MPPED2: variants seen among roughly 807,000 people sequenced by gnomAD.
The protein encoded by MPPED2 is metallophosphoesterase domain containing 2, also known as metallophosphoesterase MPPED2.
In MPPED2, 5 loss-of-function variants were observed where a neutral mutation model predicts 33.0. That is an observed-to-expected ratio of 0.15 (90% confidence interval 0.08 to 0.32). The LOEUF is 0.32. MPPED2 is among the 10% of genes least tolerant of loss of function. The pLI is 1.00. For missense variants in MPPED2, 275 were observed against 372.1 expected, an observed-to-expected ratio of 0.74 and a Z score of 2.15; for synonymous variants, 136 against 141.9, an observed-to-expected ratio of 0.96 and a Z score of 0.29.
At chr11:30,551,801 G>A (rs1443404669) in intron 2 of MPPED2, among the ~76,000 whole-genome samples, 2 of 152,178 alleles carry the variant, frequency 1.3e-5, no homozygotes, top group African/African-American at 4.8e-5. Context: ...ATATGGGCAA[G>A]TTACTCAACC....
chr11:30,405,794 C>T (rs867417488), downstream of MPPED2, among the ~76,000 whole-genome samples: 80 of 150,950 alleles, frequency 5.3e-4, no homozygotes, highest in African/African-American at 1.7e-3. Context: ...TAGGAAATTA[C>T]AATTGACAGA....
intron 4 of MPPED2, among the ~76,000 whole-genome samples, chr11:30,421,666 A>C (rs1337567752): frequency 1.3e-5 from 2 of 152,186 alleles, no homozygotes; most frequent in Non-Finnish European, 2.9e-5. Flanking sequence ...AGTAGAGCCA[A>C]GATCTGAACC....
chr11:30,428,629 G>C (rs1693095788), intron 4 of MPPED2, among the ~76,000 whole-genome samples: 1 of 152,230 alleles, frequency 6.6e-6, no homozygotes, highest in African/African-American at 2.4e-5. Flanking sequence ...AAGAGGGTTA[G>C]AAGTTAGGTC....
At chr11:30,413,619 A>G (rs1245427191) in intron 6 of MPPED2, among the ~76,000 whole-genome samples, 1 of 152,222 alleles carries the variant, frequency 6.6e-6, no homozygotes, top group Admixed American at 6.5e-5. Context: ...GCTTAACCTC[A>G]GCCTGAGCTA....
chr11:30,447,142 T>C (rs1360453540), intron 4 of MPPED2, among the ~76,000 whole-genome samples: 1 of 152,172 alleles, frequency 6.6e-6, no homozygotes, highest in Non-Finnish European at 1.5e-5. Context: ...AGGTGGGTTC[T>C]CCCCTGCCCC....
intron 2 of MPPED2, among the ~76,000 whole-genome samples, chr11:30,558,517 G>A (rs1417397643): frequency 6.6e-6 from 1 of 151,340 alleles, no homozygotes; most frequent in African/African-American, 2.4e-5. Context: ...CCAGACTCAA[G>A]CAATCCTCCC....
At chr11:30,529,125 A>T (rs952338543) in intron 3 of MPPED2, among the ~76,000 whole-genome samples, 5 of 152,194 alleles carry the variant, frequency 3.3e-5, no homozygotes, top group Non-Finnish European at 7.4e-5. Flanking sequence ...ACAGAGCATG[A>T]TGTGTTCATT....
chr11:30,484,535 G>T (rs1386752636), intron 4 of MPPED2, among the ~76,000 whole-genome samples: 2 of 152,090 alleles, frequency 1.3e-5, no homozygotes, highest in Non-Finnish European at 2.9e-5. Context: ...CACTCACTTG[G>T]TGTTGGAGCA....
At chr11:30,506,101 G>A (rs148188242) in intron 3 of MPPED2, among the ~76,000 whole-genome samples, 65 of 152,108 alleles carry the variant, frequency 4.3e-4, no homozygotes, top group Admixed American at 2.4e-3. Flanking sequence ...GCAGTGGCGC[G>A]ATTTCAGTTC....
intron 2 of MPPED2, among the ~76,000 whole-genome samples, chr11:30,574,907 T>C (rs1014232944): frequency 5.9e-5 from 9 of 152,326 alleles, no homozygotes; most frequent in African/African-American, 2.2e-4. Context: ...TCCAAATGTA[T>C]TCCCTAAAAA....
At chr11:30,445,981 T>C (rs1168879824) in intron 4 of MPPED2, among the ~76,000 whole-genome samples, 1 of 152,236 alleles carries the variant, frequency 6.6e-6, no homozygotes, top group Non-Finnish European at 1.5e-5. Context: ...AGTGTCACTA[T>C]TACCATCTCT....
chr11:30,552,962 T>C (rs945990627), intron 2 of MPPED2, among the ~76,000 whole-genome samples: 3 of 152,100 alleles, frequency 2.0e-5, no homozygotes, highest in Non-Finnish European at 2.9e-5. Context: ...ATGCCAGTAG[T>C]TCTGGTCAAC....
At chr11:30,384,161 A>C (rs1000966951), downstream of MPPED2, among the ~76,000 whole-genome samples, 2 of 152,198 alleles carry the variant, frequency 1.3e-5, no homozygotes, top group Non-Finnish European at 2.9e-5. Context: ...ACAAAAAACA[A>C]AGACACTCCC....
intron 4 of MPPED2, among the ~76,000 whole-genome samples, chr11:30,435,687 T>A (rs891623122): frequency 2.6e-5 from 4 of 152,162 alleles, no homozygotes; most frequent in Non-Finnish European, 5.9e-5. Context: ...CTGGAATCTC[T>A]CCCAGTTTTG....
At chr11:30,390,836 T>C (rs1947764077) in intron 6 of MPPED2, among the ~76,000 whole-genome samples, 1 of 152,178 alleles carries the variant, frequency 6.6e-6, no homozygotes, top group African/African-American at 2.4e-5. Flanking sequence ...ACCTGTTGGC[T>C]AAGGCACCTC....
chr11:30,442,806 T>G (rs1274710421), intron 4 of MPPED2, among the ~76,000 whole-genome samples: 1 of 152,152 alleles, frequency 6.6e-6, no homozygotes, highest in African/African-American at 2.4e-5. Context: ...GCTCGGGAGT[T>G]GGAGGCCAAG....
At chr11:30,574,880 C>T (rs1449202387) in intron 2 of MPPED2, among the ~76,000 whole-genome samples, 1 of 152,110 alleles carries the variant, frequency 6.6e-6, no homozygotes, top group Non-Finnish European at 1.5e-5. Flanking sequence ...TCCAACACTC[C>T]CTCCTGCAAA....
At chr11:30,497,909 A>G (rs1952355669) in intron 3 of MPPED2, among the ~76,000 whole-genome samples, 1 of 152,182 alleles carries the variant, frequency 6.6e-6, no homozygotes, top group East Asian at 1.9e-4. Flanking sequence ...AGTAGCTTCC[A>G]ACTTCTATCC....
chr11:30,490,743 A>G (rs1951938834), intron 4 of MPPED2, among the ~76,000 whole-genome samples: 1 of 152,212 alleles, frequency 6.6e-6, no homozygotes, highest in South Asian at 2.1e-4. Flanking sequence ...ACTGTAAATT[A>G]GAAAACACTA....
Sources: gnomAD v4.1 joint callset for allele counts (sites outside exome capture counted in the v4.1 genomes callset) on GRCh38, gnomAD v4.1.1 for gene constraint, MANE v1.5 for transcripts, NCBI Gene and HGNC (gene_info 2026-07-23, HGNC 2026-07-21) for gene names.